The following PLXDC2 variants were observed in gnomAD, a reference collection of about 807,000 sequenced individuals.
PLXDC2 encodes plexin domain-containing protein 2.
PLXDC2 carries 40 observed loss-of-function variants against 68.9 expected under a neutral mutation model. That is an observed-to-expected ratio of 0.58 (90% CI 0.45 to 0.76). The LOEUF (loss-of-function observed/expected upper bound fraction) is 0.76. PLXDC2 is among the 30% of genes least tolerant of loss of function. PLXDC2 has a pLI of 0.00. For missense variants in PLXDC2, 644 were observed against 661.9 expected (o/e 0.97, Z 0.30); for synonymous variants, 243 against 234.2 (o/e 1.04, Z -0.34).
At chr10:19,884,716 T>C (rs1186452405) in intron 1 of PLXDC2, among the ~76,000 whole-genome samples, 5 of 152,314 alleles carry the variant, frequency 3.3e-5, no homozygotes, top group Middle Eastern at 3.4e-3. Flanking sequence ...TATTCCATGG[T>C]GTATATGTGC....
intron 12 of PLXDC2, among the ~76,000 whole-genome samples, chr10:20,228,159 G>A (rs905060735): frequency 3.9e-5 from 6 of 152,168 alleles, no homozygotes; most frequent in Non-Finnish European, 8.8e-5. Context: ...ATATAAGCCT[G>A]AAATTAACTT....
At position 20,012,303 on chromosome 10, in the gene PLXDC2, C is replaced by CTCTT. The variant is rs1835129350; in HGVS notation, c.324+10318_324+10319insCTTT. 1.3e-3 allele frequency among the ~76,000 whole-genome samples: 84 copies of CTCTT among 65,596 alleles called. 1 individual carries two copies. The highest frequency in any genetic ancestry group is 5.1e-3 in the African/African-American group (67 of 13,164). The allele number at this position is 65,596 out of a possible 152,430, so 43.0% of individuals were successfully genotyped here. On this transcript the variant is annotated intron_variant, in intron 2 of 13. Coordinates refer to ENST00000377252, the MANE Select transcript of PLXDC2 (RefSeq NM_032812.9). ...GATAAGAGTCTCTCTCTCTCTCTCTCTTTTTTATTTTTTTTTTTTTTTTTT... is the reference window on the plus strand; with the variant it reads ...GATAAGAGTCTCTCTCTCTCTCTCTCTCTTTTTTTTATTTTTTTTTTTTTTTTTT...
chr10:20,138,898 G>A (rs1310012219), intron 4 of PLXDC2, among the ~76,000 whole-genome samples: 7 of 151,908 alleles, frequency 4.6e-5, no homozygotes, highest in Admixed American at 4.6e-4. Context: ...GGGTGAAAGA[G>A]CAAGACTCTG....
intron 1 of PLXDC2, among the ~76,000 whole-genome samples, chr10:19,993,620 A>G (rs749692441): frequency 5.3e-5 from 8 of 152,204 alleles, no homozygotes; most frequent in Non-Finnish European, 1.0e-4. Flanking sequence ...GGCTTTCACC[A>G]TGTTGGCTAG....
chr10:19,915,851 A>G (rs1833355714), intron 1 of PLXDC2, among the ~76,000 whole-genome samples: 1 of 140,774 alleles, frequency 7.1e-6, no homozygotes, highest in Admixed American at 7.0e-5. Context: ...TATTCATGTT[A>G]AACCAAAAAA....
chr10:20,149,230 T>C (rs577579127), intron 6 of PLXDC2, among the ~76,000 whole-genome samples: 497 of 7,536 alleles, frequency 0.066, 10 homozygotes, highest in African/African-American at 0.15. Flanking sequence ...TTTTCTTTTC[T>C]TTTTTTTTTT....
chr10:20,226,814 C>G (rs955372344), intron 12 of PLXDC2, among the ~76,000 whole-genome samples: 1 of 152,090 alleles, frequency 6.6e-6, no homozygotes, highest in Non-Finnish European at 1.5e-5. Flanking sequence ...TACCTACTTT[C>G]CTTTCAGTGT....
intron 6 of PLXDC2, among the ~76,000 whole-genome samples, chr10:20,153,303 A>G (rs1834174875): frequency 6.6e-6 from 1 of 152,174 alleles, no homozygotes; most frequent in Admixed American, 6.5e-5. Context: ...TGTATAGGGT[A>G]GTTACTTAAA....
chr10:20,109,874 C>T (rs1833536399), intron 4 of PLXDC2, among the ~76,000 whole-genome samples: 1 of 152,172 alleles, frequency 6.6e-6, no homozygotes, highest in Non-Finnish European at 1.5e-5. Context: ...ATCAAGTCAG[C>T]CCTCAGCTTG....
At chr10:20,076,748 G>A (rs1237052514) in intron 4 of PLXDC2, among the ~76,000 whole-genome samples, 4 of 152,072 alleles carry the variant, frequency 2.6e-5, no homozygotes, top group East Asian at 1.9e-4. Context: ...TTAAAGGCTG[G>A]CTCAACCACT....
In PLXDC2 at chr10:19,834,769, T is replaced by C. The variant is rs79792495; in HGVS notation, c.112+17578T>C. ...ATTCACTATACAAACATTTGCTAGATGTATCCTATGCGCCTAGCATTGTGA... is the reference window on the plus strand; with the variant it reads ...ATTCACTATACAAACATTTGCTAGACGTATCCTATGCGCCTAGCATTGTGA... On this transcript the variant is annotated intron_variant, in intron 1 of 13. Transcript: ENST00000377252. Among the ~76,000 whole-genome samples the C allele has an allele frequency of 2.9e-3, 436 of 152,310 alleles. 9 individuals are homozygous for C. The East Asian group carries it at 0.053, about 19-fold the overall frequency.
chr10:20,082,618 T>C (rs1237422335), intron 4 of PLXDC2, among the ~76,000 whole-genome samples: 2 of 152,182 alleles, frequency 1.3e-5, no homozygotes, highest in Non-Finnish European at 2.9e-5. Context: ...AAAGAAACTC[T>C]CAAGCTTTGC....
intron 1 of PLXDC2, among the ~76,000 whole-genome samples, chr10:19,841,629 T>C (rs7917832): frequency 0.099 from 15,021 of 151,184 alleles, 1,170 homozygotes; most frequent in African/African-American, 0.21. Context: ...CTTAGACAGA[T>C]AGACTTCTGT....
intron 9 of PLXDC2, among the ~76,000 whole-genome samples, chr10:20,193,503 A>G (rs188580647): frequency 6.9e-4 from 105 of 152,204 alleles, no homozygotes; most frequent in Non-Finnish European, 1.3e-3. Context: ...CAGATGAATA[A>G]TGGAGATGAT....
At chr10:19,932,346 G>T (rs958280843) in intron 1 of PLXDC2, among the ~76,000 whole-genome samples, 1 of 151,674 alleles carries the variant, frequency 6.6e-6, no homozygotes, top group Non-Finnish European at 1.5e-5. Flanking sequence ...TTCTGATCTT[G>T]AACTTATCTT....
intron 2 of PLXDC2, among the ~76,000 whole-genome samples, chr10:20,022,837 C>T (rs972903949): frequency 6.6e-6 from 1 of 151,936 alleles, no homozygotes; most frequent in East Asian, 1.9e-4. Flanking sequence ...GAAAATCTTG[C>T]AACTTTCCTA....
chr10:19,996,791 G>C (rs1301893237), intron 1 of PLXDC2, among the ~76,000 whole-genome samples: 1 of 152,130 alleles, frequency 6.6e-6, no homozygotes, highest in African/African-American at 2.4e-5. Context: ...GGAAGGCGAG[G>C]AGGGGCAAGT....
chr10:19,905,372 C>T (rs1833137657), intron 1 of PLXDC2, among the ~76,000 whole-genome samples: 1 of 152,202 alleles, frequency 6.6e-6, no homozygotes, highest in African/African-American at 2.4e-5. Context: ...TTTGGCAAAA[C>T]TGATATTTTT....
chr10:20,092,344 A>C (rs1833291085), intron 4 of PLXDC2, among the ~76,000 whole-genome samples: 2 of 152,288 alleles, frequency 1.3e-5, no homozygotes, highest in Admixed American at 1.3e-4. Context: ...GAGGAAATGT[A>C]TGCTATTGAC....
Sources: allele counts gnomAD v4.1 joint callset (sites outside exome capture counted in the v4.1 genomes callset), GRCh38; gene constraint gnomAD v4.1.1; transcripts MANE v1.5; gene names NCBI Gene and HGNC (gene_info 2026-07-23, HGNC 2026-07-21).